The following GRM7 variants were observed in gnomAD, a reference collection of about 807,000 sequenced individuals.
GRM7 encodes the protein metabotropic glutamate receptor 7.
Under a neutral mutation model 84.5 loss-of-function variants are expected in GRM7, and 35 were observed. The ratio of observed to expected loss-of-function variants is 0.41; its 90% CI spans 0.32 to 0.55. The LOEUF (loss-of-function observed/expected upper bound fraction) is 0.55. Ranked by LOEUF, GRM7 falls within the 20% of genes least tolerant of loss-of-function variation. The probability of loss-of-function intolerance (pLI) is 0.19; values close to 1 mark genes in which losing one functional copy is unlikely to be tolerated. For synonymous variants in GRM7, 487 were observed against 455.1 expected, an observed-to-expected ratio of 1.07 and a Z score of -0.89; for missense variants, 1,003 against 1,194.6, an observed-to-expected ratio of 0.84 and a Z score of 2.36.
At chr3:7,497,120 A>C (rs902640448) in intron 7 of GRM7, among the ~76,000 whole-genome samples, 1 of 144,338 alleles carries the variant, frequency 6.9e-6, no homozygotes, top group African/African-American at 2.5e-5. Context: ...CATGTCTAGC[A>C]TGGTCATGAA....
intron 1 of GRM7, among the ~76,000 whole-genome samples, chr3:7,114,700 C>T (rs191946076): frequency 3.9e-5 from 6 of 152,222 alleles, no homozygotes; most frequent in East Asian, 3.9e-4. Context: ...ACTATCCAAA[C>T]GCTGCACTTT....
chr3:7,241,837 C>G (rs940665526), intron 2 of GRM7, among the ~76,000 whole-genome samples: 3 of 152,088 alleles, frequency 2.0e-5, no homozygotes, highest in African/African-American at 7.2e-5. Flanking sequence ...GTTTGTTGAT[C>G]AAACATTTCA....
At chr3:7,676,565 T>C (rs1223132064) in intron 8 of GRM7, among the ~76,000 whole-genome samples, 1 of 134,818 alleles carries the variant, frequency 7.4e-6, no homozygotes, top group Non-Finnish European at 1.5e-5. Flanking sequence ...TTCAAGTGAT[T>C]CTCTTGGCTC....
chr3:7,258,342 C>A (rs1698285557), intron 2 of GRM7, among the ~76,000 whole-genome samples: 1 of 151,916 alleles, frequency 6.6e-6, no homozygotes, highest in Non-Finnish European at 1.5e-5. Context: ...AATGGGTGAT[C>A]AAGTTGAGAA....
At chr3:7,123,727 C>G (rs1473452648) in intron 1 of GRM7, among the ~76,000 whole-genome samples, 1 of 152,186 alleles carries the variant, frequency 6.6e-6, no homozygotes, top group Non-Finnish European at 1.5e-5. Flanking sequence ...TCAAACATTT[C>G]TGTCATCAGC....
intron 1 of GRM7, among the ~76,000 whole-genome samples, chr3:7,076,390 C>G (rs1179452781): frequency 6.6e-6 from 1 of 152,024 alleles, no homozygotes; most frequent in African/African-American, 2.4e-5. Context: ...GACAGTTTCC[C>G]CCATGCTGTT....
intron 1 of GRM7, among the ~76,000 whole-genome samples, chr3:6,937,920 T>C (rs144296556): frequency 6.6e-6 from 1 of 152,336 alleles, no homozygotes; most frequent in East Asian, 1.9e-4. Flanking sequence ...ATGATTTATT[T>C]AGTTAATCCT....
chr3:7,426,095 G>GTTCTTTCT (rs144628224), intron 5 of GRM7, among the ~76,000 whole-genome samples: 8,971 of 150,534 alleles, frequency 0.06, 886 homozygotes, highest in African/African-American at 0.2. Flanking sequence ...CATATCATAC[G>GTTCTTTCT]TTCTTTCTTT....
At chr3:7,638,469 A>G (rs1698208191) in intron 8 of GRM7, among the ~76,000 whole-genome samples, 1 of 152,212 alleles carries the variant, frequency 6.6e-6, no homozygotes. Flanking sequence ...GTTTGATGAT[A>G]ATAAAAGTGG....
chr3:7,516,101 C>A (rs937631293), intron 7 of GRM7, among the ~76,000 whole-genome samples: 21 of 149,008 alleles, frequency 1.4e-4, no homozygotes. Context: ...GAAGGTAGAG[C>A]CCGCAGTGAG....
intron 1 of GRM7, among the ~76,000 whole-genome samples, chr3:6,868,015 G>A (rs1574945193): frequency 6.6e-6 from 1 of 152,062 alleles, no homozygotes; most frequent in Non-Finnish European, 1.5e-5. Flanking sequence ...TATGCAAACC[G>A]ACTTTCTAAT....
intron 1 of GRM7, among the ~76,000 whole-genome samples, chr3:7,106,314 C>T (rs2125028309): frequency 6.6e-6 from 1 of 151,548 alleles, no homozygotes; most frequent in East Asian, 1.9e-4. Context: ...GGTACATGTG[C>T]ACAACATGCA....
intron 1 of GRM7, among the ~76,000 whole-genome samples, chr3:6,916,470 T>G (rs751784782): frequency 3.9e-5 from 6 of 152,166 alleles, no homozygotes; most frequent in Non-Finnish European, 7.3e-5. Flanking sequence ...AAGGGATACC[T>G]TTGACTAAGT....
At chr3:7,693,697 G>A (rs1250624859) in intron 9 of GRM7, 1 of 1,507,956 alleles carries the variant, frequency 6.6e-7, no homozygotes, top group African/African-American at 1.4e-5. Flanking sequence ...TCTGAGGCAA[G>A]TATCTGTCCT....
chr3:7,463,306 C>A (rs1037770054), intron 7 of GRM7, among the ~76,000 whole-genome samples: 1 of 152,206 alleles, frequency 6.6e-6, no homozygotes, highest in African/African-American at 2.4e-5. Context: ...CAGATGGGGT[C>A]TTACATGGGG....
chr3:7,470,286 T>C lies in GRM7; in HGVS notation c.1515+8564T>C, dbSNP rs555838791. On this transcript the variant is annotated intron_variant, in intron 7 of 9. Coordinates refer to ENST00000357716, the MANE Select transcript of GRM7 (RefSeq NM_000844.4). Reference sequence around the variant, plus strand: ...GTTTCTAAAAATCAGCAATAATATGTCAATACCGTTAATATCCCAAAACAT... The same window carrying C: ...GTTTCTAAAAATCAGCAATAATATGCCAATACCGTTAATATCCCAAAACAT... Among the ~76,000 whole-genome samples the C allele has an allele frequency of 2.6e-4, 40 of 152,336 alleles. No homozygotes were observed. The South Asian group carries it at 5.6e-3, about 21-fold the overall frequency.
chr3:7,448,472 A>G (rs1697623633), intron 5 of GRM7, among the ~76,000 whole-genome samples: 1 of 152,172 alleles, frequency 6.6e-6, no homozygotes, highest in South Asian at 2.1e-4. Context: ...AGAAATCCTT[A>G]CTCACATTGG....
intron 9 of GRM7, among the ~76,000 whole-genome samples, chr3:7,719,179 CA>C (rs957725264): frequency 1.3e-5 from 2 of 152,132 alleles, no homozygotes; most frequent in African/African-American, 2.4e-5. Context: ...AGTAACACAA[CA>C]ACCCTGCTTG....
chr3:7,700,941 T>C (rs973573768), intron 9 of GRM7, among the ~76,000 whole-genome samples: 5 of 152,226 alleles, frequency 3.3e-5, no homozygotes, highest in Non-Finnish European at 7.3e-5. Flanking sequence ...AAAGCTTTCT[T>C]CTTCAAGACA....
Sources: gnomAD v4.1 joint callset for allele counts (sites outside exome capture counted in the v4.1 genomes callset) on GRCh38, gnomAD v4.1.1 for gene constraint, MANE v1.5 for transcripts, NCBI Gene and HGNC (gene_info 2026-07-23, HGNC 2026-07-21) for gene names.